The following ASCC3 variants were observed in gnomAD, a reference collection of about 807,000 sequenced individuals.
ASCC3 encodes activating signal cointegrator 1 complex subunit 3, also known as ASC-1 complex subunit P200.
Under a neutral mutation model 256.3 loss-of-function variants are expected in ASCC3, and 158 were observed. The observed-to-expected ratio is 0.62, with a 90% CI of 0.54 to 0.70. The LOEUF (loss-of-function observed/expected upper bound fraction) is 0.70, where lower values mean the gene tolerates loss of function less well. Among genes scored for constraint, ASCC3 ranks in the 30% least tolerant of loss-of-function variants. ASCC3 has a pLI of 0.00. For synonymous variants in ASCC3, 948 were observed against 883.4 expected, an observed-to-expected ratio of 1.07 and a Z score of -1.30; for missense variants, 2,259 against 2,626.0, an observed-to-expected ratio of 0.86 and a Z score of 3.05.
chr6:100,565,961 T>G (rs1454495271), intron 36 of ASCC3, among the ~76,000 whole-genome samples: 1 of 152,154 alleles, frequency 6.6e-6, no homozygotes, highest in East Asian at 1.9e-4. Context: ...ATAAAATGTT[T>G]CTTAGTGAGT....
intron 10 of ASCC3, among the ~76,000 whole-genome samples, chr6:100,743,203 C>T (rs1780516117): frequency 6.6e-6 from 1 of 152,134 alleles, no homozygotes; most frequent in African/African-American, 2.4e-5. Context: ...GGCTCTGTGC[C>T]ACTCTTGGGT....
intron 39 of ASCC3, among the ~76,000 whole-genome samples, chr6:100,514,292 T>G (rs1162281299): frequency 6.6e-6 from 1 of 152,100 alleles, no homozygotes; most frequent in Non-Finnish European, 1.5e-5. Context: ...GTATAGAAGC[T>G]GTACCACTAG....
intron 10 of ASCC3, among the ~76,000 whole-genome samples, chr6:100,742,939 TG>T (rs1780503499): frequency 6.6e-6 from 1 of 152,162 alleles, no homozygotes; most frequent in Admixed American, 6.5e-5. Flanking sequence ...CCTAGGGGAA[TG>T]TCCAGGTGGA....
chr6:100,821,078 G>A (rs1771015899), intron 4 of ASCC3, among the ~76,000 whole-genome samples: 1 of 152,180 alleles, frequency 6.6e-6, no homozygotes, highest in African/African-American at 2.4e-5. Flanking sequence ...CACCCAGGCT[G>A]GAGTACAGTG....
chr6:100,619,844 A>T (rs240151), intron 30 of ASCC3, among the ~76,000 whole-genome samples: 80,440 of 151,928 alleles, frequency 0.53, 21,534 homozygotes, highest in East Asian at 0.68. Flanking sequence ...GAATACTGAG[A>T]TGGGCTTGCA....
At chr6:100,704,053 T>C (rs1285243677) in intron 13 of ASCC3, among the ~76,000 whole-genome samples, 1 of 151,686 alleles carries the variant, frequency 6.6e-6, no homozygotes, top group Non-Finnish European at 1.5e-5. Context: ...AGAAGTATTT[T>C]TTTTTTTTGC....
chr6:100,638,758 T>C lies in ASCC3; in HGVS notation c.3965A>G (p.Tyr1322Cys), dbSNP rs778301373. 1.2e-6 allele frequency: 2 copies of C among 1,614,032 alleles called. No individual in the cohort carries two copies. Residue 1322 changes from tyrosine (Y) to cysteine (C), a missense_variant, in exon 25 of 42, where the codon TAC becomes TGC. Coordinates refer to ENST00000369162, the MANE Select transcript of ASCC3 (RefSeq NM_006828.4). ...TACAGGGTTAAAGTGGCTGAAGTTG[T>C]ACAGGGCTTCATATGCTTTACATCC... ...ALGCKAYEALYNFSHFNPVQT... is the reference protein window; with the variant it reads ...ALGCKAYEALCNFSHFNPVQT...
chr6:100,728,857 CA>C (rs1390336719), intron 10 of ASCC3, among the ~76,000 whole-genome samples: 7 of 152,060 alleles, frequency 4.6e-5, no homozygotes, highest in African/African-American at 1.4e-4. Context: ...TTTATGGGGG[CA>C]TATGTTAGCA....
intron 4 of ASCC3, among the ~76,000 whole-genome samples, chr6:100,811,164 T>C (rs1003650658): frequency 1.3e-5 from 2 of 152,176 alleles, no homozygotes; most frequent in East Asian, 3.9e-4. Context: ...GATAGGCCCA[T>C]TTGTCCAACT....
intron 13 of ASCC3, among the ~76,000 whole-genome samples, chr6:100,690,599 T>C (rs1431844828): frequency 1.3e-5 from 2 of 152,140 alleles, no homozygotes; most frequent in African/African-American, 2.4e-5. Flanking sequence ...ATCAAATTAC[T>C]AAAGCACAAG....
At chr6:100,720,897 C>T (rs976680539) in intron 11 of ASCC3, among the ~76,000 whole-genome samples, 2 of 146,912 alleles carry the variant, frequency 1.4e-5, no homozygotes, top group African/African-American at 4.9e-5. Flanking sequence ...CATAATAAAC[C>T]TATAATATAT....
intron 11 of ASCC3, among the ~76,000 whole-genome samples, chr6:100,723,871 TATA>T (rs1221951250): frequency 3.1e-5 from 1 of 31,996 alleles, no homozygotes. Context: ...TATATATATA[TATA>T]TATATATATA....
Position 100,820,076 on chromosome 6 carries a change from A to G in ASCC3, c.802-14196T>C, listed in dbSNP as rs559234342. ...ACTGCTAGGATCATAATAAACCCCA[A>G]TTTGCTCTACAGATTAAATCCAATT... On this transcript the variant is annotated intron_variant, in intron 4 of 41. Coordinates refer to ENST00000369162, the MANE Select transcript of ASCC3 (RefSeq NM_006828.4). 7.2e-5 allele frequency among the ~76,000 whole-genome samples: 11 copies of G among 152,298 alleles called. No individual in the cohort carries two copies. In the South Asian group the frequency reaches 2.3e-3, roughly 32 times the overall value.
chr6:100,652,738 T>G lies in ASCC3; in HGVS notation c.2975A>C (p.Tyr992Ser). ...TTAGTATAATACCTCAATGGTGTTGTATTTAATATAGTAATGGCTGGCAGT... is the reference window on the plus strand; with the variant it reads ...TTAGTATAATACCTCAATGGTGTTGGATTTAATATAGTAATGGCTGGCAGT... The part of the protein sequence containing the change: ...GRTASHYYIK[Y>S]NTIETFNELF... Residue 992 changes from tyrosine (Y) to serine (S), a missense_variant, in exon 18 of 42, where the codon TAC becomes TCC. By Grantham distance (144) the Tyr-to-Ser change is moderately radical. Coordinates refer to ENST00000369162, the MANE Select transcript of ASCC3 (RefSeq NM_006828.4). The G allele has an allele frequency of 6.2e-6, 10 of 1,613,764 alleles. No homozygotes were observed. The highest frequency in any genetic ancestry group is 8.5e-6 in the Non-Finnish European group (10 of 1,179,822).
chr6:100,561,645 T>G (rs1016460492), intron 36 of ASCC3, among the ~76,000 whole-genome samples: 4 of 152,066 alleles, frequency 2.6e-5, no homozygotes, highest in African/African-American at 9.7e-5. Flanking sequence ...GTTAAAAAAG[T>G]AAAAGTAGTT....
At chr6:100,553,675 CT>C (rs983163384) in intron 36 of ASCC3, among the ~76,000 whole-genome samples, 9 of 152,156 alleles carry the variant, frequency 5.9e-5, no homozygotes, top group Admixed American at 1.3e-4. Flanking sequence ...TTGTAACCCC[CT>C]GCTACTGTTT....
chr6:100,685,130 A>C (rs1375879778), intron 13 of ASCC3, among the ~76,000 whole-genome samples: 2 of 152,140 alleles, frequency 1.3e-5, no homozygotes, highest in African/African-American at 4.8e-5. Flanking sequence ...TTTTCTAGGA[A>C]TACTGCTAAG....
At position 100,644,022 on chromosome 6, in the gene ASCC3, T is replaced by C. The variant is rs559389008; in HGVS notation, c.3732+9A>G. Reference sequence around the variant, plus strand: ...GCAAATAAGGATATATTCACATATATACACTTACTTGTTTTTTTAGAGCTA... The same window carrying C: ...GCAAATAAGGATATATTCACATATACACACTTACTTGTTTTTTTAGAGCTA... On this transcript the variant is annotated intron_variant, in intron 23 of 41. Coordinates refer to ENST00000369162, the MANE Select transcript of ASCC3 (RefSeq NM_006828.4). The C allele has an allele frequency of 7.4e-5, 117 of 1,577,554 alleles. No homozygotes were observed. The Middle Eastern group carries it at 1.0e-3, about 14-fold the overall frequency.
At chr6:100,559,833 G>A (rs1028890777) in intron 36 of ASCC3, among the ~76,000 whole-genome samples, 5 of 140,544 alleles carry the variant, frequency 3.6e-5, no homozygotes, top group African/African-American at 1.1e-4. Flanking sequence ...CTGGGTCACA[G>A]AGCTAGACTC....
Sources: gnomAD v4.1 joint callset for allele counts (sites outside exome capture counted in the v4.1 genomes callset) on GRCh38, gnomAD v4.1.1 for gene constraint, MANE v1.5 for transcripts, NCBI Gene and HGNC (gene_info 2026-07-23, HGNC 2026-07-21) for gene names.